Variants in OXR1 observed in about 807,000 individuals in gnomAD.
OXR1 encodes oxidation resistance 1.
OXR1 carries 41 observed loss-of-function variants against 104.6 expected under a neutral mutation model. The ratio of observed to expected loss-of-function variants is 0.39; its 90% CI spans 0.31 to 0.51. The LOEUF is 0.51. Ranked by LOEUF, OXR1 falls within the 20% of genes least tolerant of loss-of-function variation. OXR1 has a pLI of 0.77. For synonymous variants in OXR1, 348 were observed against 348.4 expected (o/e 1.00, Z 0.01); for missense variants, 955 against 1,031.9 (o/e 0.93, Z 1.02).
intron 1 of OXR1, among the ~76,000 whole-genome samples, chr8:106,279,152 GT>G (rs1812179176): frequency 6.6e-6 from 1 of 152,100 alleles, no homozygotes; most frequent in Admixed American, 6.5e-5. Flanking sequence ...TTGCCAGCAT[GT>G]TTTTAAATTT....
intron 3 of OXR1, among the ~76,000 whole-genome samples, chr8:106,573,344 TACACACACACAC>T (rs3046716): frequency 2.7e-5 from 4 of 146,644 alleles, no homozygotes; most frequent in African/African-American, 5.0e-5. Context: ...AACCATCACA[TACACACACACAC>T]ACACACACAC....
chr8:106,596,838 A>T (rs892943907), intron 3 of OXR1, among the ~76,000 whole-genome samples: 4 of 152,102 alleles, frequency 2.6e-5, no homozygotes, highest in African/African-American at 4.8e-5. Flanking sequence ...GTGGATCATG[A>T]GGTCAGGAAA....
chr8:106,590,697 G>T (rs1418555604), intron 3 of OXR1, among the ~76,000 whole-genome samples: 3 of 152,172 alleles, frequency 2.0e-5, no homozygotes, highest in Non-Finnish European at 2.9e-5. Flanking sequence ...CCATCTATTT[G>T]TACCAGCCTC....
At chr8:106,353,910 G>T (rs577580531) in intron 1 of OXR1, among the ~76,000 whole-genome samples, 1 of 152,006 alleles carries the variant, frequency 6.6e-6, no homozygotes, top group East Asian at 1.9e-4. Flanking sequence ...CCAGCCTGCC[G>T]CCCCTAGTAA....
intron 3 of OXR1, chr8:106,657,728 C>G: frequency 3.1e-6 from 2 of 639,908 alleles, no homozygotes; most frequent in African/African-American, 3.8e-5. Context: ...AGTTCTGCCT[C>G]ATTTTGCATT....
intron 3 of OXR1, among the ~76,000 whole-genome samples, chr8:106,619,288 A>G (rs1047840532): frequency 5.3e-5 from 8 of 152,160 alleles, no homozygotes; most frequent in Admixed American, 2.6e-4. Flanking sequence ...GAGGTTGACT[A>G]TCTTTTCTTT....
At chr8:106,511,654 A>G (rs529609243) in intron 2 of OXR1, among the ~76,000 whole-genome samples, 1 of 152,360 alleles carries the variant, frequency 6.6e-6, no homozygotes, top group East Asian at 1.9e-4. Context: ...GGAATTTTAT[A>G]CACTGCTTTA....
At chr8:106,717,126 C>T (rs1261212155) in intron 11 of OXR1, among the ~76,000 whole-genome samples, 3 of 152,020 alleles carry the variant, frequency 2.0e-5, no homozygotes, top group Non-Finnish European at 4.4e-5. Flanking sequence ...GCGGAGATTG[C>T]AGTGAGCCAA....
intron 9 of OXR1, among the ~76,000 whole-genome samples, chr8:106,707,955 A>G (rs1831303050): frequency 6.6e-6 from 1 of 152,178 alleles, no homozygotes. Context: ...ATTATGGTAA[A>G]ATGTAACGTA....
At chr8:106,319,699 A>G (rs2130173267) in intron 1 of OXR1, among the ~76,000 whole-genome samples, 1 of 152,306 alleles carries the variant, frequency 6.6e-6, no homozygotes, top group Non-Finnish European at 1.5e-5. Context: ...ATTCTGAGGG[A>G]ATATTTGAGA....
At chr8:106,461,723 T>A (rs1820929103) in intron 2 of OXR1, among the ~76,000 whole-genome samples, 2 of 152,168 alleles carry the variant, frequency 1.3e-5, no homozygotes, top group South Asian at 4.1e-4. Flanking sequence ...ATTACCTGTC[T>A]TGTCACCTGC....
intron 2 of OXR1, among the ~76,000 whole-genome samples, chr8:106,389,604 A>G (rs968336561): frequency 1.3e-5 from 2 of 152,220 alleles, no homozygotes; most frequent in Non-Finnish European, 2.9e-5. Flanking sequence ...TTTTTAAAGT[A>G]GAGATCTGAC....
At chr8:106,710,904 C>A in intron 10 of OXR1, 114 bp downstream of exon 10, 1 of 689,402 alleles carries the variant, frequency 1.5e-6, no homozygotes, top group Non-Finnish European at 2.2e-6. Context: ...TGATTAAAAG[C>A]AGACAATAAG....
intron 3 of OXR1, among the ~76,000 whole-genome samples, chr8:106,621,811 TAC>T (rs1004424488): frequency 2.0e-5 from 3 of 152,184 alleles, no homozygotes; most frequent in Non-Finnish European, 4.4e-5. Context: ...TTTTCTACTA[TAC>T]TACATCTGTC....
intron 1 of OXR1, among the ~76,000 whole-genome samples, chr8:106,283,944 C>T (rs578141675): frequency 2.0e-4 from 30 of 152,120 alleles, no homozygotes; most frequent in African/African-American, 6.7e-4. Context: ...AATATATTTA[C>T]TGGGAAACAG....
chr8:106,600,845 T>C (rs1336150618), intron 3 of OXR1, among the ~76,000 whole-genome samples: 1 of 152,232 alleles, frequency 6.6e-6, no homozygotes, highest in Non-Finnish European at 1.5e-5. Context: ...TTCTTCATGC[T>C]AGGCACTGTC....
chr8:106,744,041 G>A (rs1835172031), intron 15 of OXR1, among the ~76,000 whole-genome samples: 1 of 152,140 alleles, frequency 6.6e-6, no homozygotes, highest in South Asian at 2.1e-4. Context: ...TGTGTCTGTC[G>A]CAGGGTGAGG....
intron 1 of OXR1, among the ~76,000 whole-genome samples, chr8:106,347,284 G>A (rs940313988): frequency 6.6e-6 from 1 of 152,134 alleles, no homozygotes; most frequent in South Asian, 2.1e-4. Context: ...TTTGTGATCC[G>A]TATTTGTGAA....
At chr8:106,599,640 CG>C (rs1819803321) in intron 3 of OXR1, among the ~76,000 whole-genome samples, 1 of 152,132 alleles carries the variant, frequency 6.6e-6, no homozygotes, top group East Asian at 1.9e-4. Context: ...AAGGATAAAG[CG>C]TAGAGGAAGG....
Sources: allele counts gnomAD v4.1 joint callset (sites outside exome capture counted in the v4.1 genomes callset), GRCh38; gene constraint gnomAD v4.1.1; transcripts MANE v1.5; gene names NCBI Gene and HGNC (gene_info 2026-07-23, HGNC 2026-07-21).